The following CDH13 variants were observed in gnomAD, a reference collection of about 807,000 sequenced individuals.
CDH13 encodes cadherin 13, also known as cadherin-13.
In CDH13, 24 loss-of-function variants were observed where a neutral mutation model predicts 63.8. The observed-to-expected ratio is 0.38, with a 90% CI of 0.27 to 0.53. The LOEUF (loss-of-function observed/expected upper bound fraction) is 0.53, where lower values mean the gene tolerates loss of function less well. CDH13 is among the 20% of genes least tolerant of loss of function. CDH13 has a pLI of 0.85. For synonymous variants in CDH13, 503 were observed against 355.3 expected, an observed-to-expected ratio of 1.42 and a Z score of -4.67; for missense variants, 1,049 against 903.1, an observed-to-expected ratio of 1.16 and a Z score of -2.07.
chr16:82,949,457 C>G (rs530756744), intron 2 of CDH13, among the ~76,000 whole-genome samples: 42 of 152,310 alleles, frequency 2.8e-4, no homozygotes, highest in African/African-American at 9.6e-4. Flanking sequence ...GTCACTTTTG[C>G]AGATTCCAGG....
intron 3 of CDH13, among the ~76,000 whole-genome samples, chr16:83,112,808 T>A (rs1243889130): frequency 6.6e-6 from 1 of 152,216 alleles, no homozygotes; most frequent in African/African-American, 2.4e-5. Flanking sequence ...CAGACCTTCG[T>A]GAGCACCGTG....
chr16:83,101,395 A>G (rs1335089109), intron 3 of CDH13, among the ~76,000 whole-genome samples: 1 of 150,550 alleles, frequency 6.6e-6, no homozygotes, highest in Non-Finnish European at 1.5e-5. Flanking sequence ...TCTATTATAT[A>G]TAGTAATGTA....
At chr16:83,087,080 C>G (rs1046502892) in intron 3 of CDH13, among the ~76,000 whole-genome samples, 2 of 152,154 alleles carry the variant, frequency 1.3e-5, no homozygotes, top group Non-Finnish European at 2.9e-5. Flanking sequence ...TAAAATTTAA[C>G]TTGGCAAAAA....
intron 4 of CDH13, among the ~76,000 whole-genome samples, chr16:83,149,365 A>C (rs1175658133): frequency 6.6e-6 from 1 of 152,222 alleles, no homozygotes; most frequent in Non-Finnish European, 1.5e-5. Flanking sequence ...ATGACATCTC[A>C]TGAGGCGATG....
intron 3 of CDH13, among the ~76,000 whole-genome samples, chr16:83,053,596 A>G (rs2030614787): frequency 6.6e-6 from 1 of 152,218 alleles, no homozygotes; most frequent in Non-Finnish European, 1.5e-5. Flanking sequence ...CCTTGAATGG[A>G]AGGGTACAGA....
chr16:82,939,849 A>G (rs1435071677), intron 2 of CDH13, among the ~76,000 whole-genome samples: 3 of 152,150 alleles, frequency 2.0e-5, no homozygotes, highest in African/African-American at 7.2e-5. Flanking sequence ...ATTCCACTAT[A>G]GGTATATTCG....
chr16:82,665,780 T>A (rs573995625), intron 1 of CDH13, among the ~76,000 whole-genome samples: 1 of 152,050 alleles, frequency 6.6e-6, no homozygotes, highest in Non-Finnish European at 1.5e-5. Flanking sequence ...ACAGCAATAG[T>A]TTAGCCTAAC....
chr16:82,738,957 C>T (rs181138130), intron 1 of CDH13, among the ~76,000 whole-genome samples: 21 of 152,318 alleles, frequency 1.4e-4, no homozygotes, highest in Admixed American at 1.4e-3. Context: ...TTTCCAGAAC[C>T]TTTTAGTGGA....
chr16:83,103,699 C>T (rs1402642963), intron 3 of CDH13, among the ~76,000 whole-genome samples: 2 of 152,184 alleles, frequency 1.3e-5, no homozygotes, highest in Non-Finnish European at 2.9e-5. Flanking sequence ...GTTTAACCTT[C>T]CTGTGCCTCA....
intron 10 of CDH13, among the ~76,000 whole-genome samples, chr16:83,694,773 C>G (rs999311136): frequency 5.3e-5 from 8 of 152,192 alleles, no homozygotes; most frequent in African/African-American, 1.9e-4. Flanking sequence ...AGAGAAGGCA[C>G]TCTGCCCCAA....
intron 8 of CDH13, among the ~76,000 whole-genome samples, chr16:83,648,285 G>A (rs1043089272): frequency 1.3e-5 from 2 of 152,172 alleles, no homozygotes; most frequent in African/African-American, 4.8e-5. Flanking sequence ...GTGGTCTCGA[G>A]GCAGAACAAC....
chr16:82,934,290 C>T (rs1364160771), intron 2 of CDH13, among the ~76,000 whole-genome samples: 1 of 152,228 alleles, frequency 6.6e-6, no homozygotes, highest in Non-Finnish European at 1.5e-5. Context: ...AGGCTCGAGG[C>T]TTGCACCCTC....
chr16:83,217,767 G>T (rs2039585335), intron 5 of CDH13, among the ~76,000 whole-genome samples: 1 of 152,128 alleles, frequency 6.6e-6, no homozygotes, highest in Non-Finnish European at 1.5e-5. Flanking sequence ...TCTCAGAGGA[G>T]GTCAGAACCC....
chr16:83,512,321 AAAATAAATAAATAAATAAATAAAT>A (rs200161148), intron 7 of CDH13, among the ~76,000 whole-genome samples: 3 of 126,888 alleles, frequency 2.4e-5, no homozygotes, highest in South Asian at 5.6e-4. Flanking sequence ...ACTCCGTCTC[AAAATAAATAAATAAATAAATAAAT>A]AAATAAATAA....
intron 4 of CDH13, among the ~76,000 whole-genome samples, chr16:83,149,155 T>C (rs1465251125): frequency 1.3e-5 from 2 of 152,220 alleles, no homozygotes; most frequent in African/African-American, 2.4e-5. Flanking sequence ...TTACATTATT[T>C]CCTCTCTATA....
At chr16:83,167,907 A>T (rs1237174722) in intron 4 of CDH13, among the ~76,000 whole-genome samples, 1 of 152,086 alleles carries the variant, frequency 6.6e-6, no homozygotes, top group Admixed American at 6.6e-5. Context: ...AGCAACATGG[A>T]TGCAGCCAGG....
intron 1 of CDH13, among the ~76,000 whole-genome samples, chr16:82,697,784 T>A (rs1416407960): frequency 3.5e-5 from 4 of 114,848 alleles, no homozygotes; most frequent in Non-Finnish European, 5.6e-5. Context: ...TGTGTGTGTG[T>A]GTGTAAGTTT....
intron 1 of CDH13, among the ~76,000 whole-genome samples, chr16:82,701,362 G>A (rs2031004463): frequency 2.0e-5 from 3 of 152,010 alleles, no homozygotes; most frequent in African/African-American, 7.3e-5. Context: ...CTTCCATCCT[G>A]ATTACTAAGA....
At chr16:83,252,343 C>T (rs764875936) in intron 5 of CDH13, among the ~76,000 whole-genome samples, 1 of 149,408 alleles carries the variant, frequency 6.7e-6, no homozygotes, top group Non-Finnish European at 1.5e-5. Context: ...CATCTTTAGG[C>T]AAGAATTTAT....
Sources: allele counts gnomAD v4.1 joint callset (sites outside exome capture counted in the v4.1 genomes callset), GRCh38; gene constraint gnomAD v4.1.1; transcripts MANE v1.5; gene names NCBI Gene and HGNC (gene_info 2026-07-23, HGNC 2026-07-21).